The following KLHL1 variants were observed in gnomAD, a reference collection of about 807,000 sequenced individuals.
KLHL1 encodes the protein kelch-like protein 1.
KLHL1 carries 47 observed loss-of-function variants against 77.7 expected under a neutral mutation model. The observed-to-expected ratio is 0.60, with a 90% confidence interval of 0.48 to 0.77. KLHL1 has a LOEUF of 0.77. Among genes scored for constraint, KLHL1 ranks in the 30% least tolerant of loss-of-function variants. KLHL1 has a pLI of 0.00. For synonymous variants in KLHL1, 360 were observed against 325.2 expected (o/e 1.11, Z -1.15); for missense variants, 925 against 910.8 (o/e 1.02, Z -0.20).
chr13:69,720,698 T>C (rs1873008208), intron 8 of KLHL1, among the ~76,000 whole-genome samples: 3 of 151,714 alleles, frequency 2.0e-5, no homozygotes, highest in East Asian at 4.0e-4. Context: ...TGGTAGTGAT[T>C]GGAGGTGAGT....
intron 2 of KLHL1, among the ~76,000 whole-genome samples, chr13:69,974,263 A>G (rs1431700618): frequency 6.6e-6 from 1 of 151,008 alleles, no homozygotes; most frequent in Non-Finnish European, 1.5e-5. Flanking sequence ...AATATATTCT[A>G]AATATATTAA....
At chr13:69,858,111 A>G (rs146338977) in intron 5 of KLHL1, among the ~76,000 whole-genome samples, 23 of 152,202 alleles carry the variant, frequency 1.5e-4, no homozygotes, top group Non-Finnish European at 3.1e-4. Context: ...CGATTTAGAC[A>G]TCAGTGGGCA....
rs181737491 is a variant in KLHL1, at chr13:70,055,456, C to A, written c.497+51747G>T. Among the ~76,000 whole-genome samples, 7 of 151,992 alleles carry A rather than the reference C, an allele frequency of 4.6e-5. No homozygotes were observed. In the East Asian group the frequency reaches 1.4e-3, roughly 29 times the overall value. On this transcript the variant is annotated intron_variant, in intron 1 of 10. Coordinates refer to ENST00000377844, the MANE Select transcript of KLHL1 (RefSeq NM_020866.3). ...ATTTGAAAAAAAGGATGTTAACAAG[C>A]AATAAGAAATCCTCAGAAGATACAA...
At position 69,839,136 on chromosome 13, in the gene KLHL1, T is replaced by C. The variant is rs1342637175; in HGVS notation, c.1254A>G (p.Ala418=). The C allele has an allele frequency of 6.2e-7, 1 of 1,603,764 alleles. No homozygotes were observed. The highest frequency in any genetic ancestry group is 1.7e-4 in the Middle Eastern group (1 of 6,008). Residue 418 remains alanine (A), a synonymous_variant, in exon 6 of 11, where the codon GCA becomes GCG. Coordinates refer to ENST00000377844, the MANE Select transcript of KLHL1 (RefSeq NM_020866.3). The part of the protein sequence containing the change: ...PQILADLENH[A]LFKNDLECQK... ...GACATTCCAGATCATTCTTAAATAATGCATGATTTTCTAGGTCAGCCAATA... is the reference window on the plus strand; with the variant it reads ...GACATTCCAGATCATTCTTAAATAACGCATGATTTTCTAGGTCAGCCAATA...
At chr13:70,097,456 C>T (rs955686515) in intron 1 of KLHL1, among the ~76,000 whole-genome samples, 4 of 151,918 alleles carry the variant, frequency 2.6e-5, no homozygotes, top group African/African-American at 9.7e-5. Context: ...CTAACATCAC[C>T]TAATCTGAAT....
At chr13:69,754,618 C>G (rs1874628185) in intron 7 of KLHL1, among the ~76,000 whole-genome samples, 1 of 152,124 alleles carries the variant, frequency 6.6e-6, no homozygotes, top group Non-Finnish European at 1.5e-5. Flanking sequence ...ACCTAATAGA[C>G]TTTCCTAACT....
intron 6 of KLHL1, among the ~76,000 whole-genome samples, chr13:69,833,250 A>G (rs563736454): frequency 8.5e-5 from 13 of 152,276 alleles, no homozygotes; most frequent in African/African-American, 2.4e-4. Context: ...GAACTCAAAC[A>G]TATCAGCAAG....
intron 8 of KLHL1, among the ~76,000 whole-genome samples, chr13:69,733,529 A>T (rs1379993584): frequency 2.6e-5 from 4 of 152,218 alleles, no homozygotes; most frequent in African/African-American, 7.2e-5. Flanking sequence ...AAAAGAGAAC[A>T]CACAGAAATA....
At chr13:69,783,026 C>G (rs1231472535) in intron 7 of KLHL1, among the ~76,000 whole-genome samples, 1 of 152,152 alleles carries the variant, frequency 6.6e-6, no homozygotes. Flanking sequence ...TCTACAGCCA[C>G]TGCTGTTTTC....
intron 5 of KLHL1, among the ~76,000 whole-genome samples, chr13:69,847,176 T>C (rs1879496398): frequency 6.6e-6 from 1 of 151,544 alleles, no homozygotes; most frequent in South Asian, 2.1e-4. Context: ...TACATGAATT[T>C]ATTCTTGCTG....
chr13:70,081,565 A>G (rs760262253), intron 1 of KLHL1, among the ~76,000 whole-genome samples: 2 of 152,186 alleles, frequency 1.3e-5, no homozygotes, highest in Non-Finnish European at 2.9e-5. Context: ...CATGCCATGG[A>G]GATCTCTCCG....
chr13:69,977,120 A>T (rs1415984518), intron 1 of KLHL1, among the ~76,000 whole-genome samples: 1 of 152,050 alleles, frequency 6.6e-6, no homozygotes, highest in African/African-American at 2.4e-5. Flanking sequence ...TCTTATATGG[A>T]CTCTGTGATT....
At chr13:69,866,762 A>G (rs1358045065) in intron 5 of KLHL1, among the ~76,000 whole-genome samples, 3 of 152,146 alleles carry the variant, frequency 2.0e-5, no homozygotes, top group African/African-American at 7.2e-5. Context: ...CCAGGGACAA[A>G]GCATTGGGAA....
At chr13:69,954,262 A>G (rs954322577) in intron 3 of KLHL1, among the ~76,000 whole-genome samples, 1 of 151,286 alleles carries the variant, frequency 6.6e-6, no homozygotes, top group African/African-American at 2.4e-5. Context: ...TCTACACACT[A>G]CACTTACAAA....
At chr13:70,016,788 T>A (rs1465161879) in intron 1 of KLHL1, among the ~76,000 whole-genome samples, 1 of 152,080 alleles carries the variant, frequency 6.6e-6, no homozygotes, top group Non-Finnish European at 1.5e-5. Context: ...GGGGGCCAGA[T>A]TTTTAGTTCT....
chr13:69,868,056 GA>G (rs1421406167), intron 5 of KLHL1, among the ~76,000 whole-genome samples: 1 of 151,826 alleles, frequency 6.6e-6, no homozygotes, highest in South Asian at 2.1e-4. Flanking sequence ...AATAATTTTG[GA>G]AAAAATATTA....
intron 8 of KLHL1, among the ~76,000 whole-genome samples, chr13:69,733,832 A>G (rs1371280469): frequency 6.6e-6 from 1 of 152,172 alleles, no homozygotes; most frequent in Non-Finnish European, 1.5e-5. Flanking sequence ...CTAGTAATTT[A>G]AGTTCTAGGT....
chr13:69,991,163 A>T (rs1332909004), intron 1 of KLHL1, among the ~76,000 whole-genome samples: 1 of 152,026 alleles, frequency 6.6e-6, no homozygotes, highest in African/African-American at 2.4e-5. Flanking sequence ...CATTGTGAAG[A>T]GGAAAATTTA....
intron 1 of KLHL1, among the ~76,000 whole-genome samples, chr13:70,016,075 G>T (rs1486405637): frequency 1.3e-5 from 2 of 152,172 alleles, no homozygotes; most frequent in African/African-American, 4.8e-5. Flanking sequence ...AAACACATTT[G>T]TAAATAAAGC....
Sources: allele counts gnomAD v4.1 joint callset (sites outside exome capture counted in the v4.1 genomes callset), GRCh38; gene constraint gnomAD v4.1.1; transcripts MANE v1.5; gene names NCBI Gene and HGNC (gene_info 2026-07-23, HGNC 2026-07-21).